JARID2: variants seen among roughly 807,000 people sequenced by gnomAD.
The protein encoded by JARID2 is jumonji and AT-rich interaction domain containing 2, also known as protein Jumonji.
A neutral mutation model predicts 125.6 loss-of-function variants in JARID2; 21 were observed. The ratio of observed to expected loss-of-function variants is 0.17; its 90% CI spans 0.12 to 0.24. The LOEUF is 0.24. Among genes scored for constraint, JARID2 ranks in the 10% least tolerant of loss-of-function variants. JARID2 has a pLI of 1.00. For synonymous variants in JARID2, 736 were observed against 661.6 expected, an observed-to-expected ratio of 1.11 and a Z score of -1.73; for missense variants, 1,303 against 1,639.6, an observed-to-expected ratio of 0.79 and a Z score of 3.55.
intron 3 of JARID2, among the ~76,000 whole-genome samples, chr6:15,416,082 A>G (rs1322062229): frequency 1.3e-5 from 2 of 148,928 alleles, no homozygotes; most frequent in African/African-American, 2.5e-5. Context: ...CCCACATCTC[A>G]GACGATGGGC....
chr6:15,418,812 A>G (rs1766355384), intron 3 of JARID2, among the ~76,000 whole-genome samples: 1 of 152,206 alleles, frequency 6.6e-6, no homozygotes, highest in Non-Finnish European at 1.5e-5. Flanking sequence ...ATATGAAGAC[A>G]TGTTGAAAGT....
chr6:15,504,599 G>A lies in JARID2; in HGVS notation c.2541+7G>A. The stretch of plus-strand genomic sequence containing the variant: ...TGCCCCAGCCGAAATCGAGGTGAGA[G>A]AAGGGGCCCCTCACGCTGCCTCTCA... On this transcript the variant is annotated splice_region_variant and intron_variant, in intron 9 of 17. Coordinates refer to ENST00000341776, the MANE Select transcript of JARID2 (RefSeq NM_004973.4). 6.2e-7 allele frequency: 1 copy of A among 1,605,628 alleles called. No individual in the cohort carries two copies. The highest frequency in any genetic ancestry group is 1.3e-5 in the African/African-American group (1 of 74,838).
chr6:15,408,483 G>A, intron 2 of JARID2, among the ~76,000 whole-genome samples: 1 of 152,096 alleles, frequency 6.6e-6, no homozygotes, highest in East Asian at 1.9e-4. Context: ...GGTGGGAAGA[G>A]GGATCCCCCA....
chr6:15,272,378 C>T (rs115606196), intron 1 of JARID2, among the ~76,000 whole-genome samples: 461 of 152,284 alleles, frequency 3.0e-3, no homozygotes, highest in Admixed American at 7.5e-3. Context: ...GGAATTTCTG[C>T]GTAGAGCTCT....
At chr6:15,251,309 C>G (rs1395036267) in intron 1 of JARID2, among the ~76,000 whole-genome samples, 1 of 152,236 alleles carries the variant, frequency 6.6e-6, no homozygotes, top group Non-Finnish European at 1.5e-5. Context: ...AGCCACTGCA[C>G]CCAGCCAGCT....
chr6:15,490,224 G>A (rs11756854), intron 6 of JARID2, among the ~76,000 whole-genome samples: 19,113 of 152,088 alleles, frequency 0.13, 1,320 homozygotes, highest in Non-Finnish European at 0.15. Context: ...GGGCCCAGAG[G>A]ATACTCTGAT....
At chr6:15,368,713 C>T in intron 1 of JARID2, 1 of 499,838 alleles carries the variant, frequency 2.0e-6, no homozygotes, top group Non-Finnish European at 4.0e-6. Context: ...GAAGAGGAGT[C>T]AAAGGAAGAT....
chr6:15,511,250 C>A, intron 12 of JARID2, 46 bp from the exon 13 acceptor site: 1 of 1,334,970 alleles, frequency 7.5e-7, no homozygotes, highest in Non-Finnish European at 1.1e-6. Flanking sequence ...ATGCAGGAGG[C>A]CCTTGTCAAG....
chr6:15,510,378 CA>C (rs1320092651), intron 12 of JARID2, among the ~76,000 whole-genome samples: 1 of 152,170 alleles, frequency 6.6e-6, no homozygotes, highest in Non-Finnish European at 1.5e-5. Context: ...AGCCTGACAC[CA>C]GGGGCGTCAC....
At chr6:15,497,952 T>C (rs905037087) in intron 7 of JARID2, among the ~76,000 whole-genome samples, 3 of 152,204 alleles carry the variant, frequency 2.0e-5, no homozygotes, top group Non-Finnish European at 4.4e-5. Flanking sequence ...TGTGTGTCTG[T>C]GTCTTCATCT....
intron 1 of JARID2, among the ~76,000 whole-genome samples, chr6:15,348,254 G>C (rs893270354): frequency 1.3e-5 from 2 of 151,810 alleles, no homozygotes; most frequent in Non-Finnish European, 2.9e-5. Context: ...ACCACACCCG[G>C]CTAATTTTTA....
At chr6:15,367,754 A>T (rs1025578607) in intron 1 of JARID2, among the ~76,000 whole-genome samples, 1 of 152,228 alleles carries the variant, frequency 6.6e-6, no homozygotes, top group East Asian at 1.9e-4. Context: ...CAGAGAAATC[A>T]TGATTATTAA....
chr6:15,518,463 C>A (rs576648307), intron 17 of JARID2, among the ~76,000 whole-genome samples: 6 of 152,154 alleles, frequency 3.9e-5, no homozygotes, highest in African/African-American at 1.4e-4. Context: ...CATGTCTGTG[C>A]CTCTGTCCCC....
At chr6:15,294,684 G>C (rs1039119780) in intron 1 of JARID2, among the ~76,000 whole-genome samples, 1 of 152,178 alleles carries the variant, frequency 6.6e-6, no homozygotes, top group African/African-American at 2.4e-5. Flanking sequence ...AGGCTGGAGA[G>C]GTAGAACTTG....
chr6:15,400,688 C>T (rs1021591932), intron 2 of JARID2: 2 of 478,240 alleles, frequency 4.2e-6, no homozygotes, highest in African/African-American at 2.1e-5. Flanking sequence ...TGGGGGGAGC[C>T]AGCCGGAGAC....
At chr6:15,396,274 A>G (rs1176357394) in intron 2 of JARID2, among the ~76,000 whole-genome samples, 1 of 152,212 alleles carries the variant, frequency 6.6e-6, no homozygotes. Context: ...GTAGCCCTGT[A>G]TGTTTACAGT....
In JARID2 at chr6:15,497,164, C is replaced by G; in HGVS notation, c.1939C>G (p.Leu647Val). The change falls in exon 7 of 18, where the codon CTC becomes GTC. Residue 647 changes from leucine to valine, a missense_variant. Physicochemically the swap from Leu to Val is conservative, Grantham distance 32. Transcript: ENST00000341776. ...SQGITMDELP[L>V]IGGCELDLAC... is the part of the protein sequence containing the mutation. ...GGGCATCACCATGGACGAGCTCCCG[C>G]TCATAGGTAGGTCTGGGCGGGGGGT... 6.5e-7 allele frequency: 1 copy of G among 1,546,128 alleles called. No individual in the cohort carries two copies.
intron 3 of JARID2, among the ~76,000 whole-genome samples, chr6:15,443,602 G>C (rs549334509): frequency 6.6e-6 from 1 of 152,202 alleles, no homozygotes; most frequent in Admixed American, 6.5e-5. Context: ...TGACAGTTTG[G>C]AGATTTAGAT....
At chr6:15,274,997 A>C (rs1332054462) in intron 1 of JARID2, among the ~76,000 whole-genome samples, 1 of 152,218 alleles carries the variant, frequency 6.6e-6, no homozygotes, top group Non-Finnish European at 1.5e-5. Flanking sequence ...TGAGGAGGTC[A>C]CTGAACTTCA....
Sources: allele counts gnomAD v4.1 joint callset (sites outside exome capture counted in the v4.1 genomes callset), GRCh38; gene constraint gnomAD v4.1.1; transcripts MANE v1.5; gene names NCBI Gene and HGNC (gene_info 2026-07-23, HGNC 2026-07-21).